The following NXPH1 variants were observed in gnomAD, a reference collection of about 807,000 sequenced individuals.
NXPH1 encodes the protein neurexophilin-1.
In NXPH1, 5 loss-of-function variants were observed where a neutral mutation model predicts 23.7. The observed-to-expected ratio is 0.21, with a 90% CI of 0.11 to 0.44. NXPH1 has a LOEUF of 0.44. Among genes scored for constraint, NXPH1 ranks in the 20% least tolerant of loss-of-function variants. NXPH1 has a pLI of 0.99. For missense variants in NXPH1, 324 were observed against 321.6 expected (o/e 1.01, Z -0.06); for synonymous variants, 144 against 122.2 (o/e 1.18, Z -1.18).
chr7:8,725,354 G>T lies in NXPH1; in HGVS notation c.55-25654G>T, dbSNP rs543467152. ...AAAATACAAAAATTAACTGGGCATG[G>T]TGGTGGGCGCCTGTAGTCCCAGCTA... On this transcript the variant is annotated intron_variant, in intron 2 of 2. Transcript: ENST00000405863. Among the ~76,000 whole-genome samples, 4 of 152,192 alleles carry T rather than the reference G, an allele frequency of 2.6e-5. No individual in the cohort carries two copies. In the South Asian group the frequency reaches 8.3e-4, roughly 32 times the overall value.
intron 2 of NXPH1, among the ~76,000 whole-genome samples, chr7:8,534,079 A>G (rs1817990628): frequency 6.6e-6 from 1 of 152,168 alleles, no homozygotes; most frequent in African/African-American, 2.4e-5. Context: ...ACATCAGTTA[A>G]GTCATTGGAA....
chr7:8,540,799 T>G (rs1398510223), intron 2 of NXPH1, among the ~76,000 whole-genome samples: 1 of 151,578 alleles, frequency 6.6e-6, no homozygotes, highest in African/African-American at 2.4e-5. Context: ...TTTCCTCCAG[T>G]CAGACTTGAA....
intron 2 of NXPH1, among the ~76,000 whole-genome samples, chr7:8,727,746 T>C (rs1375300915): frequency 6.6e-6 from 1 of 152,182 alleles, no homozygotes; most frequent in Non-Finnish European, 1.5e-5. Flanking sequence ...TGTAGCCTTG[T>C]AGTATAGTTT....
At chr7:8,475,031 G>A (rs1816945508) in intron 2 of NXPH1, among the ~76,000 whole-genome samples, 2 of 152,260 alleles carry the variant, frequency 1.3e-5, no homozygotes, top group African/African-American at 4.8e-5. Context: ...CCTACTTGTG[G>A]GAGGCCATCC....
intron 2 of NXPH1, among the ~76,000 whole-genome samples, chr7:8,636,807 T>G (rs527494216): frequency 3.6e-4 from 55 of 152,356 alleles, no homozygotes; most frequent in African/African-American, 1.3e-3. Flanking sequence ...TCATTCATAT[T>G]CTGTTAATTT....
chr7:8,440,400 A>G (rs1285351386), intron 2 of NXPH1, among the ~76,000 whole-genome samples: 4 of 152,184 alleles, frequency 2.6e-5, no homozygotes, highest in African/African-American at 9.7e-5. Flanking sequence ...GATTGCTCCA[A>G]CTTTCTCAGC....
chr7:8,629,782 T>C (rs1334812585), intron 2 of NXPH1, among the ~76,000 whole-genome samples: 1 of 152,152 alleles, frequency 6.6e-6, no homozygotes. Context: ...CTTTAAAGCC[T>C]TGTGTGGGAC....
At chr7:8,518,894 C>T (rs1166720071) in intron 2 of NXPH1, among the ~76,000 whole-genome samples, 1 of 152,122 alleles carries the variant, frequency 6.6e-6, no homozygotes, top group Admixed American at 6.6e-5. Context: ...TTTATATCTC[C>T]TTCCCCAGCT....
chr7:8,605,826 A>C (rs1221697472), intron 2 of NXPH1, among the ~76,000 whole-genome samples: 1 of 152,112 alleles, frequency 6.6e-6, no homozygotes, highest in Non-Finnish European at 1.5e-5. Flanking sequence ...GAAGTTTCAG[A>C]AGATCTTAAT....
chr7:8,751,559 C>T lies in NXPH1; in HGVS notation c.606C>T (p.Asp202=), dbSNP rs1290082566. 1.9e-6 allele frequency: 3 copies of T among 1,613,240 alleles called. No homozygotes were observed. The highest frequency in any genetic ancestry group is 2.7e-5 in the African/African-American group (2 of 74,906). ...GTCGCATTGAATATGAAAAGGTTGA[C>T]AAGGCTACCAAGAACACACTCTGCA... ...FNCRIEYEKV[D]KATKNTLCNY... Residue 202 remains aspartate, a synonymous_variant, in exon 3 of 3, where the codon GAC becomes GAT. Transcript: ENST00000405863. This position sits in a 1 kb window ranked among gnomAD's most constrained non-coding sequence, Gnocchi z 4.5.
intron 2 of NXPH1, among the ~76,000 whole-genome samples, chr7:8,494,151 C>A (rs1010625350): frequency 6.6e-6 from 1 of 151,312 alleles, no homozygotes; most frequent in African/African-American, 2.4e-5. Context: ...TGTTTTCTAA[C>A]TTGATTTTTC....
chr7:8,615,689 T>C (rs1232209898), intron 2 of NXPH1, among the ~76,000 whole-genome samples: 1 of 152,046 alleles, frequency 6.6e-6, no homozygotes, highest in Admixed American at 6.6e-5. Context: ...GAACCAAAGG[T>C]ATTCTATGCT....
chr7:8,481,836 C>T (rs967152079), intron 2 of NXPH1, among the ~76,000 whole-genome samples: 1 of 152,136 alleles, frequency 6.6e-6, no homozygotes, highest in African/African-American at 2.4e-5. Context: ...CCTCCTTCCT[C>T]CCCTGTAGTC....
intron 2 of NXPH1, among the ~76,000 whole-genome samples, chr7:8,632,748 G>A (rs1405627200): frequency 6.6e-6 from 1 of 152,152 alleles, no homozygotes; most frequent in African/African-American, 2.4e-5. Context: ...CCGTGGTGTA[G>A]AGCTGTAATT....
chr7:8,481,160 A>G (rs1388136978), intron 2 of NXPH1, among the ~76,000 whole-genome samples: 1 of 152,190 alleles, frequency 6.6e-6, no homozygotes, highest in Non-Finnish European at 1.5e-5. Flanking sequence ...CTTAAAATAT[A>G]AAGGAGATAC....
At chr7:8,711,622 T>C (rs2115197789) in intron 2 of NXPH1, among the ~76,000 whole-genome samples, 1 of 152,244 alleles carries the variant, frequency 6.6e-6, no homozygotes, top group East Asian at 1.9e-4. Flanking sequence ...CATGCTTTTT[T>C]TGGGGTATGG....
At chr7:8,692,295 C>T (rs148169314) in intron 2 of NXPH1, among the ~76,000 whole-genome samples, 3 of 152,106 alleles carry the variant, frequency 2.0e-5, no homozygotes, top group South Asian at 2.1e-4. Flanking sequence ...TAACCACACA[C>T]GTAAGCCAGA....
intron 2 of NXPH1, among the ~76,000 whole-genome samples, chr7:8,651,895 C>G (rs560379500): frequency 6.6e-6 from 1 of 152,048 alleles, no homozygotes; most frequent in Non-Finnish European, 1.5e-5. Flanking sequence ...TATTAATTTT[C>G]GAGAACAAGT....
At chr7:8,678,709 C>T (rs182625116) in intron 2 of NXPH1, among the ~76,000 whole-genome samples, 47 of 151,940 alleles carry the variant, frequency 3.1e-4, no homozygotes, top group African/African-American at 1.0e-3. Flanking sequence ...AGTTGCTGCT[C>T]GTGTCATTTA....
Sources: allele counts gnomAD v4.1 joint callset (sites outside exome capture counted in the v4.1 genomes callset), GRCh38; gene constraint gnomAD v4.1.1; non-coding constraint Gnocchi (gnomAD v3.1); transcripts MANE v1.5; gene names NCBI Gene and HGNC (gene_info 2026-07-23, HGNC 2026-07-21).